VGLL4: variants seen among roughly 807,000 people sequenced by gnomAD.
VGLL4 encodes vestigial like family member 4.
VGLL4 carries 7 observed loss-of-function variants against 21.0 expected under a neutral mutation model. That is an observed-to-expected ratio of 0.33 (90% confidence interval 0.19 to 0.63). VGLL4 has a LOEUF of 0.63. Among genes scored for constraint, VGLL4 ranks in the 20% least tolerant of loss-of-function variants. The pLI, the probability that VGLL4 is intolerant of heterozygous loss-of-function variation, is 0.78. For missense variants in VGLL4, 394 were observed against 425.7 expected (o/e 0.93, Z 0.66); for synonymous variants, 222 against 173.2 (o/e 1.28, Z -2.21).
chr3:11,578,272 C>T (rs1055437099), intron 2 of VGLL4, among the ~76,000 whole-genome samples: 3 of 152,120 alleles, frequency 2.0e-5, no homozygotes, highest in African/African-American at 4.8e-5. Flanking sequence ...CTTTGTGACC[C>T]CATACTGGCT....
At chr3:11,650,545 C>T (rs942246423) in intron 2 of VGLL4, among the ~76,000 whole-genome samples, 4 of 152,176 alleles carry the variant, frequency 2.6e-5, no homozygotes, top group Non-Finnish European at 5.9e-5. Flanking sequence ...AATGTTAAGT[C>T]TAACATAACA....
At chr3:11,661,719 G>A (rs113620933) in intron 2 of VGLL4, among the ~76,000 whole-genome samples, 7 of 152,148 alleles carry the variant, frequency 4.6e-5, no homozygotes, top group South Asian at 2.1e-4. Context: ...TGATCTGCCC[G>A]CCTCGGCTTC....
upstream of VGLL4, among the ~76,000 whole-genome samples, chr3:11,647,676 A>G (rs1016680923): frequency 2.0e-5 from 3 of 152,060 alleles, no homozygotes; most frequent in African/African-American, 4.8e-5. Flanking sequence ...CCCATACCTT[A>G]TATGTGCTTC....
intron 1 of VGLL4, among the ~76,000 whole-genome samples, chr3:11,617,002 T>A (rs553694252): frequency 7.2e-5 from 11 of 152,244 alleles, no homozygotes; most frequent in Non-Finnish European, 1.5e-4. Flanking sequence ...CTACTGACAT[T>A]TATCATAGTA....
At chr3:11,690,722 T>C (rs2076515355) in intron 2 of VGLL4, among the ~76,000 whole-genome samples, 1 of 152,180 alleles carries the variant, frequency 6.6e-6, no homozygotes, top group Non-Finnish European at 1.5e-5. Flanking sequence ...TCACCAGATT[T>C]CAAATGTAAA....
rs116171426 is a variant in VGLL4 at position 11,643,913 on chromosome 3, T to C, written c.-395A>G. On this transcript the variant is annotated 5_prime_UTR_variant, in exon 1 of 5. The change creates a new upstream start codon in the 5' untranslated region. Transcript: ENST00000430365. Reference sequence around the variant, plus strand: ...AAGCCGGCAGCGCTGACATGAGGGCTATGCTTGGCATGACTCCTATGCCGC... The same window carrying C: ...AAGCCGGCAGCGCTGACATGAGGGCCATGCTTGGCATGACTCCTATGCCGC... 1 of 1,012,924 alleles carries C rather than the reference T, an allele frequency of 9.9e-7. No individual in the cohort carries two copies. The highest frequency in any genetic ancestry group is 1.2e-6 in the Non-Finnish European group (1 of 846,942). The allele number at this position is 1,012,924 out of a possible 1,614,324, so 62.7% of individuals were successfully genotyped here. A position where few individuals can be genotyped will look rare whatever the true frequency, so the allele number is the denominator to read the frequency against.
At chr3:11,612,683 T>C (rs2075086069) in intron 1 of VGLL4, 1 of 152,046 alleles carries the variant, frequency 6.6e-6, no homozygotes, top group Non-Finnish European at 1.5e-5. Flanking sequence ...CCGCTTAGAG[T>C]GCGAGCTCCG....
chr3:11,560,348 A>G (rs1302166978), intron 3 of VGLL4, among the ~76,000 whole-genome samples: 3 of 152,212 alleles, frequency 2.0e-5, no homozygotes, highest in African/African-American at 7.2e-5. Context: ...GTATCTTCCA[A>G]TACCCCCGAG....
chr3:11,595,630 T>C (rs1325753140), intron 2 of VGLL4, among the ~76,000 whole-genome samples: 1 of 152,090 alleles, frequency 6.6e-6, no homozygotes, highest in Non-Finnish European at 1.5e-5. Flanking sequence ...ATGTGGCACA[T>C]ATACATCATG....
chr3:11,576,884 C>A (rs1005284116), intron 2 of VGLL4, among the ~76,000 whole-genome samples: 1 of 152,240 alleles, frequency 6.6e-6, no homozygotes, highest in African/African-American at 2.4e-5. Flanking sequence ...CACATTCCCT[C>A]TAGACACCCC....
At chr3:11,594,634 C>A (rs1402067006) in intron 2 of VGLL4, among the ~76,000 whole-genome samples, 1 of 152,192 alleles carries the variant, frequency 6.6e-6, no homozygotes, top group Non-Finnish European at 1.5e-5. Flanking sequence ...TTACACTGCA[C>A]CCACTGTTTG....
At chr3:11,695,052 CTTT>C (rs11457651) in intron 2 of VGLL4, among the ~76,000 whole-genome samples, 1 of 138,582 alleles carries the variant, frequency 7.2e-6, no homozygotes. Flanking sequence ...TGTTCTCATT[CTTT>C]TTTTTTTTTT....
rs375691226 is a variant in VGLL4 at position 11,574,785 on chromosome 3, A to ATGTGTGTGTGTGTGTGTGTGTGTG, written c.273-9790_273-9767dup. Reference sequence around the variant, plus strand: ...ACAATTACTGTCAATTCAACTATATATGTGTGTGTGTGTGTGTGTGTGTGT... The same window carrying ATGTGTGTGTGTGTGTGTGTGTGTG: ...ACAATTACTGTCAATTCAACTATATATGTGTGTGTGTGTGTGTGTGTGTGTGTGTGTGTGTGTGTGTGTGTGTGT... On this transcript the variant is annotated intron_variant, in intron 2 of 4. Coordinates refer to ENST00000430365, the MANE Select transcript of VGLL4 (RefSeq NM_001128219.3). 3.3e-5 allele frequency among the ~76,000 whole-genome samples: 4 copies of ATGTGTGTGTGTGTGTGTGTGTGTG among 121,700 alleles called. No individual in the cohort carries two copies. The East Asian group carries it at 8.8e-4, about 27-fold the overall frequency. 79.8% of individuals were successfully genotyped at this position (121,700 alleles called of 152,430 possible). A position where few individuals can be genotyped will look rare whatever the true frequency, so the allele number is the denominator to read the frequency against.
intron 2 of VGLL4, among the ~76,000 whole-genome samples, chr3:11,595,773 G>A (rs1389292879): frequency 6.6e-6 from 1 of 151,228 alleles, no homozygotes; most frequent in Non-Finnish European, 1.5e-5. Flanking sequence ...ACTCATAGGT[G>A]GGAATTGAAC....
At chr3:11,698,639 G>T (rs903885366) in intron 2 of VGLL4, among the ~76,000 whole-genome samples, 5 of 152,138 alleles carry the variant, frequency 3.3e-5, no homozygotes, top group Non-Finnish European at 5.9e-5. Context: ...ACCTTCCAGG[G>T]TTACCCTAGA....
intron 1 of VGLL4, among the ~76,000 whole-genome samples, chr3:11,706,251 T>C (rs2076759429): frequency 6.6e-6 from 1 of 152,140 alleles, no homozygotes; most frequent in Admixed American, 6.6e-5. Context: ...TCAAAGTAGG[T>C]AGATAAGATA....
chr3:11,604,595 T>C lies in VGLL4; in HGVS notation c.83-2573A>G. The C allele has an allele frequency of 9.2e-6, 8 of 866,582 alleles. 1 individual carries two copies. The highest frequency in any genetic ancestry group is 1.1e-5 in the Non-Finnish European group (8 of 727,668). 53.7% of individuals were successfully genotyped at this position (866,582 alleles called of 1,614,324 possible). A position where few individuals can be genotyped will look rare whatever the true frequency, so the allele number is the denominator to read the frequency against. Reference sequence around the variant, plus strand: ...GGGGTTAAAATTATTTTTGTAAAACTGAAGCAGACATTTGTTCTGGGAGAT... The same window carrying C: ...GGGGTTAAAATTATTTTTGTAAAACCGAAGCAGACATTTGTTCTGGGAGAT... On this transcript the variant is annotated intron_variant, in intron 1 of 4. Transcript: ENST00000430365.
intron 2 of VGLL4, among the ~76,000 whole-genome samples, chr3:11,686,803 C>T (rs1417199205): frequency 6.6e-6 from 1 of 152,112 alleles, no homozygotes; most frequent in Non-Finnish European, 1.5e-5. Context: ...TTTATTCTAT[C>T]TCGGCATTTT....
At position 11,719,814 on chromosome 3, in the gene VGLL4, C is replaced by G. The variant is rs902343367; in HGVS notation, c.-14+580G>C. ...TTCCCTCCCCCGCCAGCTGCGCGCC[C>G]GGTGCCAGCTCGCACCTCCCGGGCC... is the stretch of plus-strand genomic sequence containing the variant. On this transcript the variant is annotated intron_variant, in intron 1 of 5. Transcript: ENST00000273038. This position sits in a 1 kb window ranked among gnomAD's most constrained non-coding sequence, Gnocchi z 4.0. Among the ~76,000 whole-genome samples, 4 of 152,228 alleles carry G rather than the reference C, an allele frequency of 2.6e-5. No individual in the cohort carries two copies. Among genetic ancestry groups the G allele is most frequent in the Admixed American group, 6.5e-5 (1 of 15,306 alleles).
Sources: allele counts gnomAD v4.1 joint callset (sites outside exome capture counted in the v4.1 genomes callset), GRCh38; gene constraint gnomAD v4.1.1; non-coding constraint Gnocchi (gnomAD v3.1); transcripts MANE v1.5; gene names NCBI Gene and HGNC (gene_info 2026-07-23, HGNC 2026-07-21).